MCTP1: variants seen among roughly 807,000 people sequenced by gnomAD.
MCTP1 encodes the protein multiple C2 and transmembrane domain-containing protein 1.
MCTP1 carries 69 observed loss-of-function variants against 120.6 expected under a neutral mutation model. The ratio of observed to expected loss-of-function variants is 0.57; its 90% CI spans 0.47 to 0.70. MCTP1 has a LOEUF of 0.70. MCTP1 is among the 30% of genes least tolerant of loss of function. The pLI is 0.00. For missense variants in MCTP1, 1,203 were observed against 1,248.8 expected, an observed-to-expected ratio of 0.96 and a Z score of 0.55; for synonymous variants, 529 against 493.1, an observed-to-expected ratio of 1.07 and a Z score of -0.96.
At position 95,100,119 on chromosome 5, in the gene MCTP1, G is replaced by GT. The variant is rs1251756876; in HGVS notation, c.721-82636dup. Among the ~76,000 whole-genome samples the GT allele has an allele frequency of 6.3e-5, 8 of 127,718 alleles. No individual in the cohort carries two copies. In the East Asian group the frequency reaches 1.9e-3, roughly 30 times the overall value. 83.8% of individuals were successfully genotyped at this position (127,718 alleles called of 152,430 possible). A position where few individuals can be genotyped will look rare whatever the true frequency, so the allele number is the denominator to read the frequency against. On this transcript the variant is annotated intron_variant, in intron 1 of 22. Coordinates refer to ENST00000515393, the MANE Select transcript of MCTP1 (RefSeq NM_024717.7). The stretch of plus-strand genomic sequence containing the variant: ...AGGGGAACATCACACTCTGGGGACT[G>GT]TTGTGGGGTGGGGGGAGGGGGGAGG...
chr5:94,894,770 T>C lies in MCTP1; in HGVS notation c.1718A>G (p.Glu573Gly). 1 of 1,613,304 alleles carries C rather than the reference T, an allele frequency of 6.2e-7. No individual in the cohort carries two copies. Among genetic ancestry groups the C allele is most frequent in the Non-Finnish European group, 8.5e-7 (1 of 1,179,466 alleles). Residue 573 changes from glutamate to glycine, a missense_variant, in exon 11 of 23, where the codon GAG becomes GGG. Physicochemically the swap from Glu to Gly is moderately conservative, Grantham distance 98. This residue lies in a region of MCTP1 where 740 missense variants were observed against 871.1 expected (regional missense o/e 0.85). Transcript: ENST00000515393. ...CAGCAGCACCAGGTGTCCCTCACCC[T>C]CTTCCAGCTGCAACTCCAGCTTGTG... ...QTHKLELQLEEGEGHLVLLVT... is the reference protein window; with the variant it reads ...QTHKLELQLEGGEGHLVLLVT...
intron 2 of MCTP1, among the ~76,000 whole-genome samples, chr5:94,987,042 G>T (rs1360618493): frequency 6.6e-6 from 1 of 152,008 alleles, no homozygotes; most frequent in Non-Finnish European, 1.5e-5. Context: ...GTGAATATTT[G>T]TTACATTGTG....
intron 8 of MCTP1, 93 bp downstream of exon 8, chr5:94,917,802 AG>A (rs969789544): frequency 1.1e-6 from 1 of 876,156 alleles, no homozygotes. Flanking sequence ...AGGTTAGTAT[AG>A]GGAGTGGGTT....
In MCTP1 at chr5:95,118,619, C is replaced by G. The variant is rs1054271637; in HGVS notation, c.721-101135G>C. Among the ~76,000 whole-genome samples, 7 of 152,208 alleles carry G rather than the reference C, an allele frequency of 4.6e-5. No individual in the cohort carries two copies. In the South Asian group the frequency reaches 1.5e-3, roughly 32 times the overall value. On this transcript the variant is annotated intron_variant, in intron 1 of 22. Transcript: ENST00000515393. ...CTGAATGGATTTTAAAGAACAAGAT[C>G]TAATGATCCGTTGCCTACAAGAAAC... is the stretch of plus-strand genomic sequence containing the variant.
At chr5:94,745,241 C>G (rs1766598545) in intron 19 of MCTP1, among the ~76,000 whole-genome samples, 2 of 152,166 alleles carry the variant, frequency 1.3e-5, no homozygotes, top group African/African-American at 4.8e-5. Flanking sequence ...AACCTTTTCC[C>G]AAAATGGGTC....
At position 94,930,979 on chromosome 5, in the gene MCTP1, T is replaced by C. The variant is rs570002926; in HGVS notation, c.1212+974A>G. On this transcript the variant is annotated intron_variant, in intron 6 of 22. Transcript: ENST00000515393. Reference sequence around the variant, plus strand: ...GGTGATTTTTAATGGGAGCCCTGACTTTTTTGTAAGCCAAATTATTCTTTG... The same window carrying C: ...GGTGATTTTTAATGGGAGCCCTGACCTTTTTGTAAGCCAAATTATTCTTTG... The C allele has an allele frequency of 1.9e-4, 29 of 152,262 alleles. 1 individual carries two copies. The highest frequency in any genetic ancestry group is 7.0e-4 in the African/African-American group (29 of 41,560). The allele number at this position is 152,262 out of a possible 1,614,324, so 9.4% of individuals were successfully genotyped here. A position where few individuals can be genotyped will look rare whatever the true frequency, so the allele number is the denominator to read the frequency against.
Position 95,283,957 on chromosome 5 carries a change from G to A in MCTP1, c.619C>T (p.Leu207=). 7.1e-7 allele frequency: 1 copy of A among 1,417,398 alleles called. No individual in the cohort carries two copies. Among genetic ancestry groups the A allele is most frequent in the East Asian group, 2.9e-5 (1 of 35,044 alleles). The allele number at this position is 1,417,398 out of a possible 1,614,324, so 87.8% of individuals were successfully genotyped here. The change falls in exon 1 of 23, where the codon CTG becomes TTG. Residue 207 remains leucine (L), a synonymous_variant. Coordinates refer to ENST00000515393, the MANE Select transcript of MCTP1 (RefSeq NM_024717.7). ...KSSSLPGTAC[L]EQLLEPPPPP... is the part of the protein sequence containing the mutation. ...GGCGGCGGCTCCAGCAGCTGCTCCA[G>A]GCAGGCGGTGCCCGGCAGAGAGGAG...
chr5:94,913,675 T>C (rs1481403651), intron 8 of MCTP1, among the ~76,000 whole-genome samples: 2 of 152,118 alleles, frequency 1.3e-5, no homozygotes, highest in Non-Finnish European at 2.9e-5. Context: ...TTTTAGTATC[T>C]GAATATTTTC....
chr5:95,264,789 G>C (rs892566782), intron 1 of MCTP1, among the ~76,000 whole-genome samples: 12 of 152,228 alleles, frequency 7.9e-5, no homozygotes, highest in Non-Finnish European at 1.6e-4. Context: ...CTGTGAGGAG[G>C]ATGTGTGCCT....
chr5:94,835,876 C>T (rs1002059541), intron 17 of MCTP1, among the ~76,000 whole-genome samples: 7 of 152,052 alleles, frequency 4.6e-5, no homozygotes, highest in African/African-American at 1.7e-4. Context: ...TGGTGGTGGG[C>T]GCCTGTAGTC....
chr5:95,017,854 T>C (rs1462064762), intron 1 of MCTP1, among the ~76,000 whole-genome samples: 2 of 152,112 alleles, frequency 1.3e-5, no homozygotes, highest in Non-Finnish European at 2.9e-5. Context: ...GCAAGAGCAG[T>C]TGAGTTCTAC....
At chr5:95,013,071 AC>A (rs1212599702) in intron 2 of MCTP1, among the ~76,000 whole-genome samples, 1 of 152,168 alleles carries the variant, frequency 6.6e-6, no homozygotes, top group Admixed American at 6.6e-5. Flanking sequence ...TAAGAAAGCC[AC>A]CCAGCCTCAC....
At chr5:95,063,520 C>T (rs1167262416) in intron 1 of MCTP1, among the ~76,000 whole-genome samples, 1 of 152,198 alleles carries the variant, frequency 6.6e-6, no homozygotes, top group African/African-American at 2.4e-5. Flanking sequence ...TTTGAGATAG[C>T]TCACAAGGAA....
At chr5:95,192,822 T>C (rs1374819371) in intron 1 of MCTP1, among the ~76,000 whole-genome samples, 1 of 152,136 alleles carries the variant, frequency 6.6e-6, no homozygotes, top group Non-Finnish European at 1.5e-5. Flanking sequence ...TACAAAGGCC[T>C]ATTACGGTTC....
chr5:94,879,623 T>A (rs1799636320), intron 12 of MCTP1, among the ~76,000 whole-genome samples: 1 of 152,164 alleles, frequency 6.6e-6, no homozygotes, highest in Non-Finnish European at 1.5e-5. Context: ...AAATATTTAT[T>A]AATTCACTAG....
intron 1 of MCTP1, among the ~76,000 whole-genome samples, chr5:95,260,929 G>A (rs1232666936): frequency 6.6e-6 from 1 of 152,006 alleles, no homozygotes; most frequent in Non-Finnish European, 1.5e-5. Flanking sequence ...ATATATTTTT[G>A]GTTCAATTCT....
chr5:94,888,688 T>G (rs1581200154), intron 12 of MCTP1, among the ~76,000 whole-genome samples, 191 bp downstream of exon 12: 1 of 152,212 alleles, frequency 6.6e-6, no homozygotes, highest in African/African-American at 2.4e-5. Flanking sequence ...TTTTAATACA[T>G]TACCCTGCCT....
intron 7 of MCTP1, 46 bp downstream of exon 7, chr5:94,923,916 C>A (rs34187028): frequency 7.7e-7 from 1 of 1,302,364 alleles, no homozygotes; most frequent in African/African-American, 1.6e-5. Flanking sequence ...AATTGCTATC[C>A]AAAACCAAAA....
Position 94,912,466 on chromosome 5 carries a change from A to AAAAAAAAAAAAAAAAAAAAAAAAAG in MCTP1, c.1521+339_1521+340insCTTTTTTTTTTTTTTTTTTTTTTTT, listed in dbSNP as rs1211529200. On this transcript the variant is annotated intron_variant, in intron 9 of 22. Transcript: ENST00000515393. ...AAAAAAAAAAAAAAAAAAAAAAAAA[A>AAAAAAAAAAAAAAAAAAAAAAAAAG]GCCGCACTCTGAGTACTTTATGTGC... Among the ~76,000 whole-genome samples, 4 of 92,100 alleles carry AAAAAAAAAAAAAAAAAAAAAAAAAG rather than the reference A, an allele frequency of 4.3e-5. 1 individual carries two copies. The highest frequency in any genetic ancestry group is 7.5e-5 in the African/African-American group (2 of 26,774). 60.4% of individuals were successfully genotyped at this position (92,100 alleles called of 152,430 possible). A position where few individuals can be genotyped will look rare whatever the true frequency, so the allele number is the denominator to read the frequency against.
Sources: gnomAD v4.1 joint callset for allele counts (sites outside exome capture counted in the v4.1 genomes callset) on GRCh38, gnomAD v4.1.1 for gene constraint, gnomAD v4.1.1 regional missense constraint, MANE v1.5 for transcripts, NCBI Gene and HGNC (gene_info 2026-07-23, HGNC 2026-07-21) for gene names.